The following DCAF8L2 variants were observed in gnomAD, a reference collection of about 807,000 sequenced individuals.
DCAF8L2 encodes the protein DDB1- and CUL4-associated factor 8-like protein 2.
For synonymous variants in DCAF8L2, 200 were observed against 190.9 expected, an observed-to-expected ratio of 1.05 and a Z score of -0.39; for missense variants, 430 against 490.7, an observed-to-expected ratio of 0.88 and a Z score of 1.17.
chrX:27,640,978 A>G (rs1196453082), intron 2 of DCAF8L2, among the ~76,000 whole-genome samples: 1 of 111,893 alleles, frequency 8.9e-6, no homozygotes, highest in African/African-American at 3.2e-5. Context: ...TACTTCATTT[A>G]TAGAAGGGCT....
At chrX:27,628,288 T>C (rs1053606762) in intron 1 of DCAF8L2, among the ~76,000 whole-genome samples, 2 of 111,894 alleles carry the variant, frequency 1.8e-5, no homozygotes, top group African/African-American at 6.5e-5. Context: ...CTGAATAATA[T>C]TCCACTAGAT....
chrX:27,552,137 A>G, the DCAF8L2 span, among the ~76,000 whole-genome samples: 1 of 111,063 alleles, frequency 9.0e-6, no homozygotes. Context: ...TTTTTTGATC[A>G]GATTATTTGT....
chrX:27,528,975 T>C, the DCAF8L2 span, among the ~76,000 whole-genome samples: 2 of 111,538 alleles, frequency 1.8e-5, no homozygotes, highest in Non-Finnish European at 3.8e-5. Flanking sequence ...TGAGTTGTTG[T>C]GGTCAATGAA....
chrX:27,556,203 C>G, the DCAF8L2 span, among the ~76,000 whole-genome samples: 1 of 111,359 alleles, frequency 9.0e-6, no homozygotes, highest in African/African-American at 3.3e-5. Context: ...ATAAATCACT[C>G]TTTTATTATA....
the DCAF8L2 span, among the ~76,000 whole-genome samples, chrX:27,543,623 G>T: frequency 8.0e-4 from 89 of 111,555 alleles, 3 homozygotes; most frequent in African/African-American, 2.8e-3. Context: ...AAGTCAAACA[G>T]GGTAGGTCAG....
At chrX:27,551,779 G>C in the DCAF8L2 span, among the ~76,000 whole-genome samples, 11 of 111,956 alleles carry the variant, frequency 9.8e-5, no homozygotes, top group African/African-American at 3.6e-4. Context: ...ATTGTGAACA[G>C]TGCTGCAATA....
At chrX:27,706,716 G>A (rs1931358444) in intron 3 of DCAF8L2, among the ~76,000 whole-genome samples, 1 of 111,839 alleles carries the variant, frequency 8.9e-6, no homozygotes, top group South Asian at 3.7e-4. Flanking sequence ...TTGGAAAACA[G>A]TTTGGCAGTT....
intron 4 of DCAF8L2, among the ~76,000 whole-genome samples, chrX:27,726,311 T>G (rs1932069418): frequency 8.9e-6 from 1 of 111,841 alleles, no homozygotes; most frequent in Admixed American, 9.5e-5. Flanking sequence ...AACCAAAGAT[T>G]ATGTAGTTCC....
At chrX:27,699,621 T>C (rs1468635856) in intron 3 of DCAF8L2, among the ~76,000 whole-genome samples, 1 of 111,600 alleles carries the variant, frequency 9.0e-6, no homozygotes, top group African/African-American at 3.3e-5. Flanking sequence ...AGCGAAGTGG[T>C]AGCATCAAAG....
chrX:27,689,563 C>A (rs985299151), intron 3 of DCAF8L2, among the ~76,000 whole-genome samples: 2 of 112,758 alleles, frequency 1.8e-5, no homozygotes, highest in Non-Finnish European at 3.8e-5. Context: ...GATATACGTA[C>A]AAGAATACAT....
intron 1 of DCAF8L2, among the ~76,000 whole-genome samples, chrX:27,601,924 A>T (rs1273313569): frequency 9.0e-6 from 1 of 111,320 alleles, no homozygotes; most frequent in Non-Finnish European, 1.9e-5. Flanking sequence ...GCAGTTCAGG[A>T]AGGGAGAAAT....
chrX:27,485,189 C>A, the DCAF8L2 span, among the ~76,000 whole-genome samples: 1 of 111,933 alleles, frequency 8.9e-6, no homozygotes, highest in Non-Finnish European at 1.9e-5. Flanking sequence ...GGGATTAGAA[C>A]TGGAAAAGTA....
At chrX:27,662,937 T>A (rs1434181351) in intron 2 of DCAF8L2, among the ~76,000 whole-genome samples, 1 of 111,912 alleles carries the variant, frequency 8.9e-6, no homozygotes, top group East Asian at 2.8e-4. Context: ...AATAATTATA[T>A]TTTTACTTGA....
chrX:27,508,491 G>A, the DCAF8L2 span, among the ~76,000 whole-genome samples: 1 of 109,055 alleles, frequency 9.2e-6, no homozygotes, highest in Non-Finnish European at 1.9e-5. Context: ...CTTGAAGAAG[G>A]AATACAGGAC....
chrX:27,535,024 T>C, the DCAF8L2 span, among the ~76,000 whole-genome samples: 25 of 112,383 alleles, frequency 2.2e-4, no homozygotes, highest in African/African-American at 7.4e-4. Context: ...TCCTAAGTTG[T>C]ATTCACCAAA....
chrX:27,705,291 A>G (rs1239754803), intron 3 of DCAF8L2, among the ~76,000 whole-genome samples: 2 of 111,409 alleles, frequency 1.8e-5, no homozygotes, highest in African/African-American at 6.5e-5. Context: ...GTATAGAAAT[A>G]TGTTTCATTT....
At chrX:27,684,185 T>C (rs1930422276) in intron 3 of DCAF8L2, among the ~76,000 whole-genome samples, 1 of 111,732 alleles carries the variant, frequency 8.9e-6, no homozygotes, top group Non-Finnish European at 1.9e-5. Flanking sequence ...GCTAACGATG[T>C]CTGGAACCAA....
chrX:27,560,707 C>T, the DCAF8L2 span, among the ~76,000 whole-genome samples: 1 of 112,213 alleles, frequency 8.9e-6, no homozygotes, highest in African/African-American at 3.2e-5. Flanking sequence ...ACTTAGTGTT[C>T]TATGGGAAAT....
intron 3 of DCAF8L2, among the ~76,000 whole-genome samples, chrX:27,714,317 A>G (rs1488596190): frequency 1.8e-5 from 2 of 111,800 alleles, no homozygotes; most frequent in Non-Finnish European, 3.8e-5. Flanking sequence ...AGGGGTTAGA[A>G]TTATTGTTAA....
Sources: gnomAD v4.1 joint callset for allele counts (sites outside exome capture counted in the v4.1 genomes callset) on GRCh38, gnomAD v4.1.1 for gene constraint, MANE v1.5 for transcripts, NCBI Gene and HGNC (gene_info 2026-07-23, HGNC 2026-07-21) for gene names.